The following NRP2 variants were observed in gnomAD, a reference collection of about 807,000 sequenced individuals.
The protein encoded by NRP2 is neuropilin 2.
NRP2 carries 52 observed loss-of-function variants against 110.4 expected under a neutral mutation model. The ratio of observed to expected loss-of-function variants is 0.47; its 90% CI spans 0.38 to 0.59. The LOEUF (loss-of-function observed/expected upper bound fraction) is 0.59. NRP2 is among the 20% of genes least tolerant of loss of function. NRP2 has a pLI of 0.00. For synonymous variants in NRP2, 508 were observed against 468.9 expected (o/e 1.08, Z -1.08); for missense variants, 1,049 against 1,203.0 (o/e 0.87, Z 1.89).
chr2:205,708,111 C>A (rs2056720938), intron 2 of NRP2, among the ~76,000 whole-genome samples: 2 of 152,228 alleles, frequency 1.3e-5, no homozygotes, highest in Non-Finnish European at 2.9e-5. Flanking sequence ...GACTACTCTT[C>A]CTTTGCACTC....
At chr2:205,777,398 G>C (rs1295538010) in intron 15 of NRP2, 1 of 152,330 alleles carries the variant, frequency 6.6e-6, no homozygotes, top group Non-Finnish European at 1.5e-5. Flanking sequence ...TCTGTCTCAT[G>C]TTGCCTTATA....
chr2:205,776,418 C>G lies in NRP2; in HGVS notation c.2425+9615C>G, dbSNP rs765497146. ...GGTTCCGCTATGCGGCCAAGAAGAC[C>G]GATCACTCCATCACCTACAAAACCT... is the stretch of plus-strand genomic sequence containing the variant. On this transcript the variant is annotated intron_variant, in intron 15 of 16. Coordinates refer to ENST00000357785, the MANE Select transcript of NRP2 (RefSeq NM_003872.3). 21 of 1,613,500 alleles carry G rather than the reference C, an allele frequency of 1.3e-5. No homozygotes were observed. In the South Asian group the frequency reaches 2.3e-4, roughly 18 times the overall value.
At chr2:205,785,437 T>C (rs937643148) in intron 15 of NRP2, among the ~76,000 whole-genome samples, 4 of 152,344 alleles carry the variant, frequency 2.6e-5, no homozygotes, top group East Asian at 3.9e-4. Context: ...AGGTTTTCCT[T>C]GAAATGCTCT....
At chr2:205,731,338 C>A (rs41427346) in intron 7 of NRP2, among the ~76,000 whole-genome samples, 45,814 of 152,144 alleles carry the variant, frequency 0.3, 7,681 homozygotes, top group Middle Eastern at 0.4. Context: ...ATTGTTAATA[C>A]AACAGTAGAA....
chr2:205,790,410 G>A (rs2058286361), intron 15 of NRP2, among the ~76,000 whole-genome samples: 1 of 152,116 alleles, frequency 6.6e-6, no homozygotes, highest in Admixed American at 6.6e-5. Context: ...GTGTGAGATG[G>A]AGCAAGATGG....
At chr2:205,764,157 T>C (rs2057872323) in intron 13 of NRP2, among the ~76,000 whole-genome samples, 1 of 152,206 alleles carries the variant, frequency 6.6e-6, no homozygotes, top group Non-Finnish European at 1.5e-5. Flanking sequence ...ATTGCTGAAA[T>C]CTTCTCCAAC....
chr2:205,693,550 G>C (rs2192886), intron 1 of NRP2, among the ~76,000 whole-genome samples: 1 of 151,858 alleles, frequency 6.6e-6, no homozygotes, highest in Non-Finnish European at 1.5e-5. Context: ...TTCAAAAAAA[G>C]CAAATAAATT....
chr2:205,729,406 A>G (rs2057192418), intron 7 of NRP2, among the ~76,000 whole-genome samples: 1 of 152,234 alleles, frequency 6.6e-6, no homozygotes, highest in Admixed American at 6.5e-5. Context: ...AGACTTACCA[A>G]GCATCCGTTG....
At chr2:205,784,001 G>GACAC (rs56303275) in intron 15 of NRP2, among the ~76,000 whole-genome samples, 7,183 of 148,710 alleles carry the variant, frequency 0.048, 220 homozygotes, top group Non-Finnish European at 0.061. Context: ...ATCTCTCTCT[G>GACAC]ACACACACAC....
At chr2:205,780,044 T>G (rs1017874245) in intron 15 of NRP2, among the ~76,000 whole-genome samples, 4 of 152,208 alleles carry the variant, frequency 2.6e-5, no homozygotes, top group African/African-American at 9.6e-5. Flanking sequence ...GATTCTACTT[T>G]CAAAGGGCTC....
chr2:205,784,385 C>T lies in NRP2; in HGVS notation c.2426-7850C>T, dbSNP rs529848005. Among the ~76,000 whole-genome samples, 146 of 152,334 alleles carry T rather than the reference C, an allele frequency of 9.6e-4. 1 individual carries two copies. Among genetic ancestry groups the T allele is most frequent in the Middle Eastern group, 6.8e-3 (2 of 294 alleles). On this transcript the variant is annotated intron_variant, in intron 15 of 16. Transcript: ENST00000357785. ...TTTTCTTGCTGCCACCCAGGGCCTG[C>T]GAGAACAGGCATGAGGATTTCAGGG...
chr2:205,756,422 C>A (rs146587806), intron 12 of NRP2: 1 of 152,246 alleles, frequency 6.6e-6, no homozygotes, highest in East Asian at 1.9e-4. Context: ...AGAACCGAGA[C>A]AAAAACTCAT....
intron 15 of NRP2, chr2:205,777,232 T>A (rs1361859185): frequency 1.2e-6 from 1 of 825,926 alleles, no homozygotes; most frequent in Non-Finnish European, 1.5e-6. Context: ...TGGGATGCAG[T>A]GTGGCTTCTC....
At chr2:205,771,110 C>T (rs1260105105) in intron 15 of NRP2, among the ~76,000 whole-genome samples, 1 of 152,112 alleles carries the variant, frequency 6.6e-6, no homozygotes, top group Non-Finnish European at 1.5e-5. Flanking sequence ...GTGAAGCGTC[C>T]GAGACTTCAG....
At chr2:205,770,225 G>A (rs184725048) in intron 15 of NRP2, among the ~76,000 whole-genome samples, 2 of 152,270 alleles carry the variant, frequency 1.3e-5, no homozygotes, top group East Asian at 3.9e-4. Flanking sequence ...GGAATGTGGG[G>A]TTTATGACTC....
At position 205,688,982 on chromosome 2, in the gene NRP2, G is replaced by T. The variant is rs987155830; in HGVS notation, c.73+5619G>T. ...TTCCAGAACACAGGAAAGAGGGCCA[G>T]GATGACAAGGAGCTGAGTGCCTGTG... On this transcript the variant is annotated intron_variant, in intron 1 of 16. Coordinates refer to ENST00000357785, the MANE Select transcript of NRP2 (RefSeq NM_003872.3). Among the ~76,000 whole-genome samples, 4 of 152,252 alleles carry T rather than the reference G, an allele frequency of 2.6e-5. No individual in the cohort carries two copies. The East Asian group carries it at 7.7e-4, about 29-fold the overall frequency.
chr2:205,743,830 G>A (rs1028305407), intron 9 of NRP2: 16 of 473,850 alleles, frequency 3.4e-5, no homozygotes, highest in Non-Finnish European at 5.4e-5. Context: ...TGCAACCTCC[G>A]CCTCCAGGGT....
intron 15 of NRP2, among the ~76,000 whole-genome samples, chr2:205,786,244 C>A (rs2058234486): frequency 6.6e-6 from 1 of 152,176 alleles, no homozygotes; most frequent in African/African-American, 2.4e-5. Context: ...TTTTGAAGTG[C>A]CAAGAAGAAT....
At chr2:205,726,566 T>C (rs2057132770) in intron 6 of NRP2, among the ~76,000 whole-genome samples, 1 of 152,138 alleles carries the variant, frequency 6.6e-6, no homozygotes, top group South Asian at 2.1e-4. Context: ...AAAATGTCAC[T>C]ACCAGGAACA....
Sources: gnomAD v4.1 joint callset for allele counts (sites outside exome capture counted in the v4.1 genomes callset) on GRCh38, gnomAD v4.1.1 for gene constraint, MANE v1.5 for transcripts, NCBI Gene and HGNC (gene_info 2026-07-23, HGNC 2026-07-21) for gene names.